Variants in GBP6 observed in about 807,000 individuals in gnomAD.
The protein encoded by GBP6 is guanylate binding protein family member 6.
A neutral mutation model predicts 61.5 loss-of-function variants in GBP6; 54 were observed. The observed-to-expected ratio is 0.88, with a 90% CI of 0.71 to 1.10. GBP6 has a LOEUF of 1.10. Ranked by LOEUF, GBP6 falls within the 50% of genes least tolerant of loss-of-function variation. GBP6 has a pLI of 0.00. For missense variants in GBP6, 748 were observed against 752.8 expected, an observed-to-expected ratio of 0.99 and a Z score of 0.07; for synonymous variants, 255 against 273.7, an observed-to-expected ratio of 0.93 and a Z score of 0.67.
intron 3 of GBP6, 138 bp downstream of exon 3, chr1:89,369,811 C>T: frequency 1.0e-6 from 1 of 997,526 alleles, no homozygotes; most frequent in South Asian, 1.9e-5. Flanking sequence ...AATCACACTT[C>T]TAGACAAGGT....
chr1:89,388,012 A>G lies in GBP6; in HGVS notation c.*2543A>G, dbSNP rs1653185385. On this transcript the variant is annotated 3_prime_UTR_variant, in exon 11 of 11. Transcript: ENST00000370456. The stretch of plus-strand genomic sequence containing the variant: ...TTTTCCTGGTATAGTGTCCTTCTCT[A>G]GACCTCATGTCCTACAGTCTCTGTG... Among the ~76,000 whole-genome samples the G allele has an allele frequency of 6.6e-6, 1 of 152,188 alleles. No individual in the cohort carries two copies. The highest frequency in any genetic ancestry group is 2.1e-4 in the South Asian group (1 of 4,834).
At chr1:89,382,465 T>A (rs1653006576) in intron 7 of GBP6, among the ~76,000 whole-genome samples, 199 bp from the exon 8 acceptor site, 1 of 152,210 alleles carries the variant, frequency 6.6e-6, no homozygotes, top group Non-Finnish European at 1.5e-5. Flanking sequence ...TCAGGAAGAT[T>A]AATGAACTTT....
Position 89,382,652 on chromosome 1 carries a change from T to A in GBP6, c.1153-12T>A. The A allele has an allele frequency of 6.2e-7, 1 of 1,610,586 alleles. No homozygotes were observed. Among genetic ancestry groups the A allele is most frequent in the South Asian group, 1.1e-5 (1 of 90,962 alleles). Reference sequence around the variant, plus strand: ...TTTCTTCTGGTGACATCTCTCTACATTTCCCTTGCAGGAAACCACAATGAA... The same window carrying A: ...TTTCTTCTGGTGACATCTCTCTACAATTCCCTTGCAGGAAACCACAATGAA... On this transcript the variant is annotated splice_polypyrimidine_tract_variant and intron_variant, in intron 7 of 10. Transcript: ENST00000370456.
At position 89,386,904 on chromosome 1, in the gene GBP6, A is replaced by G. The variant is rs1653159420; in HGVS notation, c.*1435A>G. 6.6e-6 allele frequency among the ~76,000 whole-genome samples: 1 copy of G among 152,226 alleles called. No individual in the cohort carries two copies. Among genetic ancestry groups the G allele is most frequent in the African/African-American group, 2.4e-5 (1 of 41,462 alleles). On this transcript the variant is annotated 3_prime_UTR_variant, in exon 11 of 11. Transcript: ENST00000370456. ...TAATTGTTAGAATCTAAGAAGATTC[A>G]GTTATAGTAATGAGTGGCAGACTGC...
At position 89,381,989 on chromosome 1, in the gene GBP6, T is replaced by C. The variant is rs1196556077; in HGVS notation, c.1152+15T>C. 34 of 1,584,104 alleles carry C rather than the reference T, an allele frequency of 2.1e-5. No individual in the cohort carries two copies. The highest frequency in any genetic ancestry group is 2.7e-5 in the Non-Finnish European group (31 of 1,162,448). ...AGAAGTTCATGGTAATTTGCCTTAG[T>C]CATTACTGTTCATCATCCTTCCCCT... On this transcript the variant is annotated intron_variant, in intron 7 of 10. Coordinates refer to ENST00000370456, the MANE Select transcript of GBP6 (RefSeq NM_198460.3).
chr1:89,385,769 A>C lies in GBP6; in HGVS notation c.*300A>C. ...GCTGGTCTCGAACTCTTGACCTCAA[A>C]TGATCCACCCGCCTCGGCCTCCCAA... On this transcript the variant is annotated 3_prime_UTR_variant, in exon 11 of 11. Transcript: ENST00000370456. 1 of 220,924 alleles carries C rather than the reference A, an allele frequency of 4.5e-6. No homozygotes were observed. Among genetic ancestry groups the C allele is most frequent in the Non-Finnish European group, 9.0e-6 (1 of 111,600 alleles). 13.7% of individuals were successfully genotyped at this position (220,924 alleles called of 1,614,324 possible).
In GBP6 at chr1:89,382,878, T is replaced by C; in HGVS notation, c.1365+2T>C. On this transcript the variant is annotated splice_donor_variant, in intron 8 of 10. Coordinates refer to ENST00000370456, the MANE Select transcript of GBP6 (RefSeq NM_198460.3). LOFTEE classifies it high-confidence loss of function. ...CAAGTTCCCAGGAAAGGAGTAAAGG[T>C]AAGGAATAAGGGGAGCATGGGGAAG... 6.3e-7 allele frequency: 1 copy of C among 1,598,926 alleles called. No individual in the cohort carries two copies. The highest frequency in any genetic ancestry group is 8.6e-7 in the Non-Finnish European group (1 of 1,166,506).
At chr1:89,367,450 A>T (rs1652495907) in intron 1 of GBP6, among the ~76,000 whole-genome samples, 1 of 152,084 alleles carries the variant, frequency 6.6e-6, no homozygotes, top group Non-Finnish European at 1.5e-5. Flanking sequence ...TCATGTGCTT[A>T]TTGGCCATTT....
rs12760699 is a variant in GBP6, at chr1:89,386,110, A to G, written c.*641A>G. The G allele has an allele frequency of 6.6e-6, 1 of 152,136 alleles. No homozygotes were observed. The highest frequency in any genetic ancestry group is 1.9e-4 in the East Asian group (1 of 5,200). 9.4% of individuals were successfully genotyped at this position (152,136 alleles called of 1,614,324 possible). On this transcript the variant is annotated 3_prime_UTR_variant, in exon 11 of 11. Coordinates refer to ENST00000370456, the MANE Select transcript of GBP6 (RefSeq NM_198460.3). ...TATATAGCCAGTAAACAAATTGACAATGAAGCTCTATTTGTACCAGTAAAG... is the reference window on the plus strand; with the variant it reads ...TATATAGCCAGTAAACAAATTGACAGTGAAGCTCTATTTGTACCAGTAAAG...
rs913110585 is a variant in GBP6 at position 89,386,803 on chromosome 1, C to A, written c.*1334C>A. Among the ~76,000 whole-genome samples, 3 of 152,214 alleles carry A rather than the reference C, an allele frequency of 2.0e-5. No homozygotes were observed. The highest frequency in any genetic ancestry group is 4.4e-5 in the Non-Finnish European group (3 of 68,038). ...TTGCGGTAGCCTCAGATAGAAAGGA[C>A]AATGTGCCTTTCCAGAACTGAACCC... On this transcript the variant is annotated 3_prime_UTR_variant, in exon 11 of 11. Coordinates refer to ENST00000370456, the MANE Select transcript of GBP6 (RefSeq NM_198460.3).
chr1:89,373,677 A>G (rs1652713010), intron 3 of GBP6, among the ~76,000 whole-genome samples: 1 of 152,134 alleles, frequency 6.6e-6, no homozygotes, highest in Non-Finnish European at 1.5e-5. Flanking sequence ...AGGTGGCAGG[A>G]GCAGGGAGGG....
In GBP6 at chr1:89,385,551, T is replaced by TC. The variant is rs532401995; in HGVS notation, c.*82_*83insC. 1 of 1,398,334 alleles carries TC rather than the reference T, an allele frequency of 7.2e-7. No individual in the cohort carries two copies. Among genetic ancestry groups the TC allele is most frequent in the South Asian group, 1.4e-5 (1 of 70,868 alleles). 86.6% of individuals were successfully genotyped at this position (1,398,334 alleles called of 1,614,324 possible). A position where few individuals can be genotyped will look rare whatever the true frequency, so the allele number is the denominator to read the frequency against. ...ATTTTCATTCAGCAAGTTTTTTTTTTTTTTCAGAGTCTTACTCTGTTGCCC... is the reference window on the plus strand; with the variant it reads ...ATTTTCATTCAGCAAGTTTTTTTTTTCTTTTCAGAGTCTTACTCTGTTGCCC... On this transcript the variant is annotated 3_prime_UTR_variant, in exon 11 of 11. Transcript: ENST00000370456.
chr1:89,368,363 A>G (rs529627516), intron 1 of GBP6, among the ~76,000 whole-genome samples, 166 bp from the exon 2 acceptor site: 1 of 151,812 alleles, frequency 6.6e-6, no homozygotes, highest in African/African-American at 2.4e-5. Flanking sequence ...ATCACTTAAT[A>G]TCATTACAGA....
chr1:89,378,268 G>T (rs970358279), intron 4 of GBP6, 56 bp downstream of exon 4: 2 of 1,566,076 alleles, frequency 1.3e-6, no homozygotes, highest in Non-Finnish European at 1.7e-6. Context: ...TATAGGAATG[G>T]AGATCAAGTC....
intron 2 of GBP6, 33 bp from the exon 3 acceptor site, chr1:89,369,513 T>TC: frequency 3.7e-6 from 6 of 1,606,860 alleles, no homozygotes; most frequent in Non-Finnish European, 4.3e-6. Context: ...TGCTCTGCTG[T>TC]CCCTGTGCTT....
intron 3 of GBP6, among the ~76,000 whole-genome samples, chr1:89,376,735 A>G (rs1196809277): frequency 6.6e-6 from 1 of 152,074 alleles, no homozygotes; most frequent in African/African-American, 2.4e-5. Context: ...ATTTTTTTAT[A>G]TTTATTTAAG....
intron 10 of GBP6, among the ~76,000 whole-genome samples, chr1:89,384,981 G>T (rs1653094437): frequency 6.6e-6 from 1 of 152,160 alleles, no homozygotes; most frequent in South Asian, 2.1e-4. Flanking sequence ...GGCATCTTTT[G>T]GGCAGGAACA....
chr1:89,375,827 G>A (rs1652791455), intron 3 of GBP6, among the ~76,000 whole-genome samples: 1 of 151,906 alleles, frequency 6.6e-6, no homozygotes, highest in South Asian at 2.1e-4. Flanking sequence ...AAACATCATT[G>A]CCCAAACCAA....
At chr1:89,382,995 C>G in intron 8 of GBP6, 119 bp downstream of exon 8, 1 of 610,792 alleles carries the variant, frequency 1.6e-6, no homozygotes, top group Admixed American at 3.1e-5. Context: ...TCAATGTCCA[C>G]TAATTAATAT....
Sources: gnomAD v4.1 joint callset for allele counts (sites outside exome capture counted in the v4.1 genomes callset) on GRCh38, gnomAD v4.1.1 for gene constraint, MANE v1.5 for transcripts, NCBI Gene and HGNC (gene_info 2026-07-23, HGNC 2026-07-21) for gene names.